Variants in ADAM23 observed in about 807,000 individuals in gnomAD.
The protein encoded by ADAM23 is disintegrin and metalloproteinase domain-containing protein 23.
ADAM23 carries 33 observed loss-of-function variants against 120.1 expected under a neutral mutation model. That is an observed-to-expected ratio of 0.27 (90% CI 0.21 to 0.37). The LOEUF is 0.37. Ranked by LOEUF, ADAM23 falls within the 10% of genes least tolerant of loss-of-function variation. The probability of loss-of-function intolerance (pLI) is 1.00; values close to 1 mark genes in which losing one functional copy is unlikely to be tolerated. For missense variants in ADAM23, 862 were observed against 1,058.2 expected, an observed-to-expected ratio of 0.81 and a Z score of 2.57; for synonymous variants, 367 against 375.2, an observed-to-expected ratio of 0.98 and a Z score of 0.25.
intron 2 of ADAM23, among the ~76,000 whole-genome samples, chr2:206,446,649 A>G (rs1695087862): frequency 6.6e-6 from 1 of 152,042 alleles, no homozygotes; most frequent in African/African-American, 2.4e-5. Context: ...AATTTTTACT[A>G]TTTTTTACAA....
intron 3 of ADAM23, among the ~76,000 whole-genome samples, chr2:206,519,723 A>G (rs1696806705): frequency 6.6e-6 from 1 of 152,178 alleles, no homozygotes; most frequent in South Asian, 2.1e-4. Context: ...ACTATTTAAG[A>G]AGAACCAGCC....
chr2:206,553,435 C>CA (rs1476465195), intron 9 of ADAM23, among the ~76,000 whole-genome samples: 1 of 152,004 alleles, frequency 6.6e-6, no homozygotes, highest in African/African-American at 2.4e-5. Context: ...GACTCCGTCT[C>CA]AAAAAAGAGG....
Position 206,548,233 on chromosome 2 carries a change from C to G in ADAM23, c.794-48C>G, listed in dbSNP as rs115882159. ...TCATGTAATATTTTAAAACATACTC[C>G]CATTGAAATAAGCATAAAATTTTGA... On this transcript the variant is annotated intron_variant, in intron 7 of 25. Coordinates refer to ENST00000264377, the MANE Select transcript of ADAM23 (RefSeq NM_003812.4). 6,021 of 1,519,104 alleles carry G rather than the reference C, an allele frequency of 4.0e-3. 19 individuals are homozygous for G. Among genetic ancestry groups the G allele is most frequent in the Non-Finnish European group, 4.8e-3 (5,265 of 1,097,966 alleles). The allele number at this position is 1,519,104 out of a possible 1,614,324, so 94.1% of individuals were successfully genotyped here.
intron 18 of ADAM23, among the ~76,000 whole-genome samples, chr2:206,582,258 AT>A (rs531999419): frequency 3.3e-5 from 5 of 152,018 alleles, no homozygotes; most frequent in Non-Finnish European, 5.9e-5. Context: ...GGATTGTGAT[AT>A]TTTCCTGTTG....
At chr2:206,477,014 A>C (rs1387007751) in intron 2 of ADAM23, among the ~76,000 whole-genome samples, 1 of 152,144 alleles carries the variant, frequency 6.6e-6, no homozygotes, top group Non-Finnish European at 1.5e-5. Context: ...TTAGATATAG[A>C]GTTATTTTTC....
intron 16 of ADAM23, 46 bp downstream of exon 16, chr2:206,570,857 G>A (rs766685727): frequency 6.6e-7 from 1 of 1,523,636 alleles, no homozygotes; most frequent in Non-Finnish European, 9.1e-7. Flanking sequence ...ATCTTACTTG[G>A]TGCAAACAGG....
intron 2 of ADAM23, among the ~76,000 whole-genome samples, chr2:206,470,606 C>G (rs1350716856): frequency 6.6e-6 from 1 of 152,178 alleles, no homozygotes; most frequent in African/African-American, 2.4e-5. Flanking sequence ...TTGTGGGCCT[C>G]TATGTTGAGG....
Position 206,573,329 on chromosome 2 carries a change from G to A in ADAM23, c.1737+134G>A, listed in dbSNP as rs1698042734. ...TGGAATATTTGCATATTCATAATGA[G>A]ATATCTTGGGGATGGGACTCAAGTC... On this transcript the variant is annotated intron_variant, in intron 18 of 25. Coordinates refer to ENST00000264377, the MANE Select transcript of ADAM23 (RefSeq NM_003812.4). 3 of 820,060 alleles carry A rather than the reference G, an allele frequency of 3.7e-6. No homozygotes were observed. In the Admixed American group the frequency reaches 5.9e-5, roughly 16 times the overall value. 50.8% of individuals were successfully genotyped at this position (820,060 alleles called of 1,614,324 possible). A position where few individuals can be genotyped will look rare whatever the true frequency, so the allele number is the denominator to read the frequency against.
At chr2:206,539,085 C>G (rs1228926836) in intron 4 of ADAM23, among the ~76,000 whole-genome samples, 2 of 152,136 alleles carry the variant, frequency 1.3e-5, no homozygotes, top group Non-Finnish European at 2.9e-5. Flanking sequence ...CTGGTAGGTT[C>G]CAATGGGATT....
Position 206,620,627 on chromosome 2 carries a change from C to T in ADAM23, c.*3000C>T, listed in dbSNP as rs1357916822. 1 of 152,102 alleles carries T rather than the reference C, an allele frequency of 6.6e-6. No homozygotes were observed. The highest frequency in any genetic ancestry group is 2.1e-4 in the South Asian group (1 of 4,834). 9.4% of individuals were successfully genotyped at this position (152,102 alleles called of 1,614,324 possible). ...AAGTGATGATCAAGTTCCCATTTCA[C>T]CTGCTCTACTTTTGCTGCATTAATT... On this transcript the variant is annotated 3_prime_UTR_variant, in exon 26 of 26. Coordinates refer to ENST00000264377, the MANE Select transcript of ADAM23 (RefSeq NM_003812.4).
At chr2:206,500,062 C>T (rs983511623) in intron 3 of ADAM23, among the ~76,000 whole-genome samples, 4 of 152,044 alleles carry the variant, frequency 2.6e-5, no homozygotes, top group African/African-American at 7.2e-5. Context: ...AAATATTGCA[C>T]GACTTGTTTG....
At chr2:206,541,097 C>T (rs1198536082) in intron 4 of ADAM23, among the ~76,000 whole-genome samples, 5 of 151,142 alleles carry the variant, frequency 3.3e-5, no homozygotes, top group Non-Finnish European at 5.9e-5. Context: ...ACCCAGGAGG[C>T]GGAGGTTGTA....
chr2:206,599,846 C>CA (rs1698602437), intron 24 of ADAM23, among the ~76,000 whole-genome samples: 1 of 152,190 alleles, frequency 6.6e-6, no homozygotes, highest in African/African-American at 2.4e-5. Flanking sequence ...GTTATTAAAA[C>CA]AATCAGTGTT....
In ADAM23 at chr2:206,606,819, C is replaced by T. The variant is rs1427904271; in HGVS notation, c.2360-3091C>T. The T allele has an allele frequency of 2.0e-5, 3 of 152,106 alleles. No homozygotes were observed. The East Asian group carries it at 5.8e-4, about 29-fold the overall frequency. The allele number at this position is 152,106 out of a possible 1,614,324, so 9.4% of individuals were successfully genotyped here. A position where few individuals can be genotyped will look rare whatever the true frequency, so the allele number is the denominator to read the frequency against. ...GAATATTTAAGAATGGCAGACATAA[C>T]CCTTTACACAGTCTTTTCTGTCTAC... On this transcript the variant is annotated intron_variant, in intron 24 of 25. Coordinates refer to ENST00000264377, the MANE Select transcript of ADAM23 (RefSeq NM_003812.4).
chr2:206,607,378 A>T (rs1260386512), intron 24 of ADAM23, among the ~76,000 whole-genome samples: 1 of 152,214 alleles, frequency 6.6e-6, no homozygotes, highest in Non-Finnish European at 1.5e-5. Context: ...GCATGCATTT[A>T]TGTGAAATTC....
At chr2:206,474,350 T>TA (rs1695729713) in intron 2 of ADAM23, among the ~76,000 whole-genome samples, 1 of 152,184 alleles carries the variant, frequency 6.6e-6, no homozygotes, top group Non-Finnish European at 1.5e-5. Flanking sequence ...TACATAATGG[T>TA]AATTAGCAAT....
chr2:206,596,899 C>CT lies in ADAM23; in HGVS notation c.2359+763dup, dbSNP rs144070768. Among the ~76,000 whole-genome samples the CT allele has an allele frequency of 8.6e-3, 714 of 82,970 alleles. 28 individuals carry two copies. Among genetic ancestry groups the CT allele is most frequent in the African/African-American group, 0.013 (259 of 20,040 alleles). The allele number at this position is 82,970 out of a possible 152,430, so 54.4% of individuals were successfully genotyped here. A position where few individuals can be genotyped will look rare whatever the true frequency, so the allele number is the denominator to read the frequency against. ...GTTCTCTTCCCATCCATTATATCAT[C>CT]TTTTTTTTTTTTTTTTTTTTTTTTT... On this transcript the variant is annotated intron_variant, in intron 24 of 25. Coordinates refer to ENST00000264377, the MANE Select transcript of ADAM23 (RefSeq NM_003812.4).
intron 2 of ADAM23, among the ~76,000 whole-genome samples, chr2:206,446,260 A>G (rs908791563): frequency 1.2e-4 from 18 of 152,214 alleles, no homozygotes; most frequent in African/African-American, 1.4e-4. Context: ...CAAAGAGTTT[A>G]AGGGATCTTT....
chr2:206,457,032 T>A (rs1430774940), intron 2 of ADAM23, among the ~76,000 whole-genome samples: 1 of 152,220 alleles, frequency 6.6e-6, no homozygotes, highest in Non-Finnish European at 1.5e-5. Context: ...GCAGATGGGC[T>A]CCATTAACAA....
Sources: allele counts gnomAD v4.1 joint callset (sites outside exome capture counted in the v4.1 genomes callset), GRCh38; gene constraint gnomAD v4.1.1; transcripts MANE v1.5; gene names NCBI Gene and HGNC (gene_info 2026-07-23, HGNC 2026-07-21).